The following MYLK4 variants were observed in gnomAD, a reference collection of about 807,000 sequenced individuals.
MYLK4 encodes the protein myosin light chain kinase family member 4.
A neutral mutation model predicts 48.1 loss-of-function variants in MYLK4; 46 were observed. The observed-to-expected ratio is 0.96, with a 90% confidence interval of 0.75 to 1.22. MYLK4 has a LOEUF of 1.22. Among genes scored for constraint, MYLK4 ranks in the 50% most tolerant of loss-of-function variants. The pLI, the probability that MYLK4 is intolerant of heterozygous loss-of-function variation, is 0.00. For synonymous variants in MYLK4, 170 were observed against 180.8 expected (o/e 0.94, Z 0.48); for missense variants, 451 against 486.1 (o/e 0.93, Z 0.68).
chr6:2,675,659 T>C (rs973398265), intron 10 of MYLK4, among the ~76,000 whole-genome samples: 1 of 152,208 alleles, frequency 6.6e-6, no homozygotes, highest in Non-Finnish European at 1.5e-5. Flanking sequence ...CAATATCCTT[T>C]TGGAGCCAGC....
chr6:2,729,744 C>G (rs544548115), intron 2 of MYLK4, among the ~76,000 whole-genome samples: 14 of 152,280 alleles, frequency 9.2e-5, no homozygotes, highest in African/African-American at 3.1e-4. Context: ...AGCATTTACC[C>G]ACCAAGACCA....
the MYLK4 span, among the ~76,000 whole-genome samples, chr6:2,769,702 T>A: frequency 2.4e-4 from 36 of 152,132 alleles, no homozygotes; most frequent in African/African-American, 8.2e-4. Context: ...ATAATATGAT[T>A]GAGTGCTTGC....
chr6:2,734,803 G>A (rs999368852), intron 2 of MYLK4, among the ~76,000 whole-genome samples: 1 of 152,122 alleles, frequency 6.6e-6, no homozygotes, highest in Non-Finnish European at 1.5e-5. Flanking sequence ...GACTGCAGGG[G>A]TTAATGAATA....
At chr6:2,683,186 C>T (rs1423321065) in intron 6 of MYLK4, 24 bp from the exon 7 acceptor site, 3 of 1,613,406 alleles carry the variant, frequency 1.9e-6, no homozygotes, top group Non-Finnish European at 1.7e-6. Context: ...AGGACTGAAA[C>T]CCTCAGTCCC....
chr6:2,766,592 G>T, the MYLK4 span: 1 of 1,360,954 alleles, frequency 7.3e-7, no homozygotes, highest in Non-Finnish European at 9.5e-7. Flanking sequence ...CTGGGGCAGT[G>T]CCTGGTCCAC....
At chr6:2,720,089 T>C (rs563088601) in intron 2 of MYLK4, among the ~76,000 whole-genome samples, 151 of 151,656 alleles carry the variant, frequency 1.0e-3, no homozygotes, top group Admixed American at 1.9e-3. Flanking sequence ...TAGGGACCAC[T>C]GTCCTAACAT....
intron 2 of MYLK4, among the ~76,000 whole-genome samples, chr6:2,695,874 C>T (rs1372834915): frequency 1.3e-5 from 2 of 152,182 alleles, no homozygotes; most frequent in African/African-American, 2.4e-5. Flanking sequence ...TGAAACATGT[C>T]TTCTACCGAT....
chr6:2,769,991 G>A, the MYLK4 span: 1 of 1,334,994 alleles, frequency 7.5e-7, no homozygotes, highest in Non-Finnish European at 1.0e-6. Context: ...GTGAATATAA[G>A]GCTGCTGCTA....
intron 8 of MYLK4, among the ~76,000 whole-genome samples, chr6:2,680,019 A>G (rs1162061826): frequency 6.6e-6 from 1 of 152,236 alleles, no homozygotes; most frequent in Admixed American, 6.5e-5. Context: ...TTAATTTTTT[A>G]TACTTTTTAC....
At chr6:2,682,881 G>T in intron 7 of MYLK4, 140 bp downstream of exon 7, 1 of 877,508 alleles carries the variant, frequency 1.1e-6, no homozygotes, top group Non-Finnish European at 1.8e-6. Flanking sequence ...AGAATAAGGA[G>T]ATGAGGGTAA....
Position 2,667,770 on chromosome 6 carries a change from A to G in MYLK4, c.*155T>C, listed in dbSNP as rs1044566638. On this transcript the variant is annotated 3_prime_UTR_variant, in exon 13 of 13. Coordinates refer to ENST00000274643, the MANE Select transcript of MYLK4 (RefSeq NM_001012418.5). The stretch of plus-strand genomic sequence containing the variant: ...CCTCTGAGCGCAGCAGAGGCACTCC[A>G]GTTCAAGTTCACATTCAGGGTCGAG... 2 of 152,650 alleles carry G rather than the reference A, an allele frequency of 1.3e-5. No individual in the cohort carries two copies. The highest frequency in any genetic ancestry group is 2.9e-5 in the Non-Finnish European group (2 of 68,054). The allele number at this position is 152,650 out of a possible 1,614,324, so 9.5% of individuals were successfully genotyped here.
At chr6:2,687,017 T>A (rs1431946267) in intron 4 of MYLK4, among the ~76,000 whole-genome samples, 1 of 152,100 alleles carries the variant, frequency 6.6e-6, no homozygotes, top group Non-Finnish European at 1.5e-5. Flanking sequence ...TGAGGCCAAC[T>A]CCCAGGATTC....
At chr6:2,719,640 T>C (rs1762996899) in intron 2 of MYLK4, among the ~76,000 whole-genome samples, 1 of 152,200 alleles carries the variant, frequency 6.6e-6, no homozygotes, top group Non-Finnish European at 1.5e-5. Flanking sequence ...CTTTCTGTTA[T>C]TTTCATTAGC....
At chr6:2,707,427 A>G (rs1762532685) in intron 2 of MYLK4, among the ~76,000 whole-genome samples, 1 of 152,172 alleles carries the variant, frequency 6.6e-6, no homozygotes, top group Non-Finnish European at 1.5e-5. Flanking sequence ...GGTGGCGCAC[A>G]TTTACACGCA....
At chr6:2,745,154 T>C (rs1177910971) in intron 2 of MYLK4, among the ~76,000 whole-genome samples, 1 of 152,154 alleles carries the variant, frequency 6.6e-6, no homozygotes, top group African/African-American at 2.4e-5. Flanking sequence ...GGCCGAATGG[T>C]TGGCTGAGAA....
At chr6:2,728,442 G>A (rs1664792849) in intron 2 of MYLK4, among the ~76,000 whole-genome samples, 1 of 151,856 alleles carries the variant, frequency 6.6e-6, no homozygotes, top group African/African-American at 2.4e-5. Flanking sequence ...ATGATGCCCA[G>A]CCCTGGAGAG....
At chr6:2,763,724 C>G in the MYLK4 span, among the ~76,000 whole-genome samples, 1 of 152,236 alleles carries the variant, frequency 6.6e-6, no homozygotes, top group South Asian at 2.1e-4. Context: ...CATAGTACAG[C>G]GGCAGGCTGA....
At chr6:2,749,761 G>T (rs1764220923) in intron 1 of MYLK4, among the ~76,000 whole-genome samples, 1 of 152,134 alleles carries the variant, frequency 6.6e-6, no homozygotes, top group East Asian at 1.9e-4. Flanking sequence ...TTGCAGCCCC[G>T]TGGGAAGGGC....
At chr6:2,715,761 T>G (rs188754981) in intron 2 of MYLK4, among the ~76,000 whole-genome samples, 13 of 152,354 alleles carry the variant, frequency 8.5e-5, no homozygotes, top group African/African-American at 2.9e-4. Context: ...TGTCTCCCCA[T>G]TTCTGAGAGA....
Sources: allele counts gnomAD v4.1 joint callset (sites outside exome capture counted in the v4.1 genomes callset), GRCh38; gene constraint gnomAD v4.1.1; transcripts MANE v1.5; gene names NCBI Gene and HGNC (gene_info 2026-07-23, HGNC 2026-07-21).